The following SPAG17 variants were observed in gnomAD, a reference collection of about 807,000 sequenced individuals.
The protein encoded by SPAG17 is sperm-associated antigen 17.
SPAG17 carries 169 observed loss-of-function variants against 273.6 expected under a neutral mutation model. The observed-to-expected ratio is 0.62, with a 90% confidence interval of 0.55 to 0.70. The LOEUF is 0.70. SPAG17 is among the 30% of genes least tolerant of loss of function. The pLI is 0.00. For missense variants in SPAG17, 2,557 were observed against 2,627.8 expected, an observed-to-expected ratio of 0.97 and a Z score of 0.59; for synonymous variants, 825 against 873.2, an observed-to-expected ratio of 0.94 and a Z score of 0.97.
chr1:118,161,190 G>A (rs1393187264), intron 1 of SPAG17, among the ~76,000 whole-genome samples: 2 of 152,198 alleles, frequency 1.3e-5, no homozygotes, highest in African/African-American at 4.8e-5. Context: ...TTCTTGTAAA[G>A]GCTATTTAAC....
chr1:117,996,097 A>G (rs1183945054), intron 34 of SPAG17, among the ~76,000 whole-genome samples: 1 of 152,146 alleles, frequency 6.6e-6, no homozygotes, highest in Non-Finnish European at 1.5e-5. Flanking sequence ...CTAAACACAG[A>G]TACAAATCTG....
At chr1:118,115,180 G>A (rs1570719386) in intron 4 of SPAG17, 130 bp downstream of exon 4, 2 of 966,178 alleles carry the variant, frequency 2.1e-6, no homozygotes, top group African/African-American at 1.7e-5. Flanking sequence ...AAGAAGTTGA[G>A]GTGACAGCCA....
In SPAG17 at chr1:118,101,737, G is replaced by A. The variant is rs764615327; in HGVS notation, c.634+3C>T. 2.3e-5 allele frequency: 37 copies of A among 1,610,886 alleles called. No homozygotes were observed. The highest frequency in any genetic ancestry group is 3.0e-5 in the Non-Finnish European group (35 of 1,179,272). The stretch of plus-strand genomic sequence containing the variant: ...GCACCGCCGGCAGCAGCACCTTACT[G>A]ACCAATGTAACGATTGGTGTGGTCG... On this transcript the variant is annotated splice_donor_region_variant and intron_variant, in intron 5 of 48. Transcript: ENST00000336338.
intron 48 of SPAG17, chr1:117,959,066 A>G: frequency 6.6e-7 from 1 of 1,513,096 alleles, no homozygotes; most frequent in African/African-American, 1.4e-5. Context: ...TAGAAATAGT[A>G]TAGTATGCTG....
intron 31 of SPAG17, among the ~76,000 whole-genome samples, chr1:118,007,034 A>G (rs535813315): frequency 6.6e-6 from 1 of 151,734 alleles, no homozygotes; most frequent in Non-Finnish European, 1.5e-5. Context: ...TGATTTTCAA[A>G]TAACATCTTC....
intron 4 of SPAG17, among the ~76,000 whole-genome samples, chr1:118,109,591 C>T (rs1459480302): frequency 6.9e-6 from 1 of 145,754 alleles, no homozygotes; most frequent in Admixed American, 6.8e-5. Context: ...AATAATAATG[C>T]ATATACATAT....
At chr1:117,992,209 G>C (rs1348439078) in intron 36 of SPAG17, among the ~76,000 whole-genome samples, 2 of 152,164 alleles carry the variant, frequency 1.3e-5, no homozygotes, top group Non-Finnish European at 2.9e-5. Flanking sequence ...GACAAAGATG[G>C]AGGGCACTAT....
chr1:118,085,298 T>C (rs1001950868), intron 13 of SPAG17, among the ~76,000 whole-genome samples: 1 of 152,106 alleles, frequency 6.6e-6, no homozygotes, highest in African/African-American at 2.4e-5. Context: ...TGATTGTGGG[T>C]GGCTGCAACA....
intron 27 of SPAG17, among the ~76,000 whole-genome samples, chr1:118,024,915 A>G (rs1441338652): frequency 6.6e-6 from 1 of 152,162 alleles, no homozygotes; most frequent in Non-Finnish European, 1.5e-5. Flanking sequence ...TATTGATGAC[A>G]TGCCTTGTTG....
intron 34 of SPAG17, among the ~76,000 whole-genome samples, chr1:117,995,079 T>A (rs866020869): frequency 6.6e-6 from 1 of 152,160 alleles, no homozygotes; most frequent in South Asian, 2.1e-4. Context: ...GTGCTTCAGC[T>A]ACTTTGGCCT....
rs989300009 is a variant in SPAG17, at chr1:118,085,939, A to G, written c.1745T>C (p.Met582Thr). ...GGACTCACCACTCGTACAAAAGTGC[A>G]TAAGCTCATGAATTGTAGCTAGACG... ...TKRLATIHEL[M>T]HFCTSDVLSW... is the part of the protein sequence containing the mutation. The change falls in exon 13 of 49, where the codon ATG (methionine) becomes ACG (threonine). Residue 582 changes from methionine to threonine, a missense_variant. By Grantham distance (81) the Met-to-Thr change is moderately conservative. Transcript: ENST00000336338. 3 of 1,608,332 alleles carry G rather than the reference A, an allele frequency of 1.9e-6. No homozygotes were observed. The highest frequency in any genetic ancestry group is 1.3e-5 in the African/African-American group (1 of 74,430).
chr1:118,123,687 C>T (rs1486318990), intron 3 of SPAG17, among the ~76,000 whole-genome samples: 1 of 152,160 alleles, frequency 6.6e-6, no homozygotes, highest in African/African-American at 2.4e-5. Flanking sequence ...TAAAATAATT[C>T]CAGTCATTGG....
At chr1:118,149,587 G>A (rs1327318866) in intron 3 of SPAG17, among the ~76,000 whole-genome samples, 2 of 152,190 alleles carry the variant, frequency 1.3e-5, no homozygotes, top group African/African-American at 2.4e-5. Context: ...TGAGCGCCGC[G>A]TAGCAAGAGT....
At chr1:118,159,264 C>T (rs1023793446) in intron 1 of SPAG17, among the ~76,000 whole-genome samples, 1 of 152,184 alleles carries the variant, frequency 6.6e-6, no homozygotes, top group African/African-American at 2.4e-5. Flanking sequence ...TATACACTGT[C>T]TGGCTGGTTT....
At chr1:117,982,217 A>G (rs1433432289) in intron 42 of SPAG17, among the ~76,000 whole-genome samples, 1 of 151,528 alleles carries the variant, frequency 6.6e-6, no homozygotes, top group Non-Finnish European at 1.5e-5. Context: ...CGTATGGTAC[A>G]GTAGAAAATT....
intron 37 of SPAG17, among the ~76,000 whole-genome samples, chr1:117,991,170 C>T (rs547532441): frequency 6.6e-6 from 1 of 152,200 alleles, no homozygotes; most frequent in African/African-American, 2.4e-5. Context: ...CAATAAATAT[C>T]AATTTCTTTT....
chr1:118,041,670 G>A (rs1053686608), intron 21 of SPAG17, 133 bp downstream of exon 21: 3 of 1,187,484 alleles, frequency 2.5e-6, no homozygotes, highest in African/African-American at 3.1e-5. Flanking sequence ...ACAGGTTTGA[G>A]CTCATTAATA....
chr1:118,008,167 C>T lies in SPAG17; in HGVS notation c.4464G>A (p.Val1488=), dbSNP rs551770538. ...TEGPRTVTRQ[V]KCMRVESSRY... ...GTGAGCTTTCTACCCGCATACACTT[C>T]ACCTGCCTGGTGACAGTCCGAGGAC... The change falls in exon 31 of 49, where the codon GTG becomes GTA. Residue 1488 remains valine (V), a synonymous_variant. Transcript: ENST00000336338. 1 of 1,613,978 alleles carries T rather than the reference C, an allele frequency of 6.2e-7. No individual in the cohort carries two copies. Among genetic ancestry groups the T allele is most frequent in the South Asian group, 1.1e-5 (1 of 91,074 alleles).
chr1:117,969,814 C>T (rs1402919068), intron 46 of SPAG17, among the ~76,000 whole-genome samples: 1 of 152,128 alleles, frequency 6.6e-6, no homozygotes, highest in African/African-American at 2.4e-5. Context: ...GTTTCTATAG[C>T]TGGCAGTTTA....
Sources: gnomAD v4.1 joint callset for allele counts (sites outside exome capture counted in the v4.1 genomes callset) on GRCh38, gnomAD v4.1.1 for gene constraint, MANE v1.5 for transcripts, NCBI Gene and HGNC (gene_info 2026-07-23, HGNC 2026-07-21) for gene names.